GABRB1: variants seen among roughly 807,000 people sequenced by gnomAD.
GABRB1 encodes the protein gamma-aminobutyric acid type A receptor subunit beta1.
A neutral mutation model predicts 51.6 loss-of-function variants in GABRB1; 17 were observed. That is an observed-to-expected ratio of 0.33 (90% CI 0.23 to 0.49). The LOEUF (loss-of-function observed/expected upper bound fraction) is 0.49. Among genes scored for constraint, GABRB1 ranks in the 20% least tolerant of loss-of-function variants. The pLI is 0.99. For missense variants in GABRB1, 410 were observed against 600.6 expected (o/e 0.68, Z 3.32); for synonymous variants, 247 against 218.9 (o/e 1.13, Z -1.14).
chr4:47,418,846 T>A (rs1729010912), intron 8 of GABRB1, among the ~76,000 whole-genome samples: 1 of 152,120 alleles, frequency 6.6e-6, no homozygotes, highest in African/African-American at 2.4e-5. Context: ...CCTCTAAACA[T>A]CCATGCAGCA....
At chr4:47,176,254 A>T (rs904598999) in intron 4 of GABRB1, among the ~76,000 whole-genome samples, 1 of 152,156 alleles carries the variant, frequency 6.6e-6, no homozygotes, top group Non-Finnish European at 1.5e-5. Context: ...TGAAAATTGC[A>T]TTTCATCTAG....
At chr4:47,261,656 T>C (rs1211289834) in intron 4 of GABRB1, among the ~76,000 whole-genome samples, 2 of 151,986 alleles carry the variant, frequency 1.3e-5, no homozygotes, top group African/African-American at 2.4e-5. Flanking sequence ...CCCATCAAGC[T>C]ACCAATGACT....
At chr4:47,219,276 G>A (rs930813744) in intron 4 of GABRB1, among the ~76,000 whole-genome samples, 3 of 151,790 alleles carry the variant, frequency 2.0e-5, no homozygotes, top group South Asian at 4.1e-4. Context: ...TAAGGAATTG[G>A]CTGAGTTAAT....
intron 5 of GABRB1, among the ~76,000 whole-genome samples, chr4:47,382,142 A>G (rs1727620103): frequency 6.6e-6 from 1 of 152,206 alleles, no homozygotes; most frequent in African/African-American, 2.4e-5. Context: ...ACATCACCAA[A>G]ACAAATGGTT....
At chr4:47,171,061 C>T (rs963635299) in intron 4 of GABRB1, among the ~76,000 whole-genome samples, 1 of 151,986 alleles carries the variant, frequency 6.6e-6, no homozygotes, top group Non-Finnish European at 1.5e-5. Context: ...CCAAGTAAAA[C>T]ATTAAATGAG....
chr4:47,126,200 A>G (rs1274650619), intron 3 of GABRB1, among the ~76,000 whole-genome samples: 2 of 152,134 alleles, frequency 1.3e-5, no homozygotes, highest in Non-Finnish European at 2.9e-5. Context: ...AAAGACAAAT[A>G]CTGCATAATC....
chr4:47,267,727 G>A (rs1465094167), intron 4 of GABRB1, among the ~76,000 whole-genome samples: 3 of 152,076 alleles, frequency 2.0e-5, no homozygotes, highest in East Asian at 3.9e-4. Flanking sequence ...CCCGGGAGGC[G>A]GAGGTTGCAG....
At chr4:47,176,540 T>C (rs1240776564) in intron 4 of GABRB1, among the ~76,000 whole-genome samples, 1 of 152,116 alleles carries the variant, frequency 6.6e-6, no homozygotes, top group East Asian at 1.9e-4. Context: ...GAAATGCCTG[T>C]AGACGTGTAA....
chr4:47,032,605 G>GCA lies in GABRB1; in HGVS notation c.240+123_240+124dup, dbSNP rs775791415. 14 of 930,268 alleles carry GCA rather than the reference G, an allele frequency of 1.5e-5. No individual in the cohort carries two copies. In the Admixed American group the frequency reaches 2.0e-4, roughly 13 times the overall value. 57.6% of individuals were successfully genotyped at this position (930,268 alleles called of 1,614,324 possible). On this transcript the variant is annotated intron_variant, in intron 3 of 8. Transcript: ENST00000295454. ...CCCCTGGCCCCTGAGGTCCCACTCC[G>GCA]CACCCGCTCCCCGCTCCGGCACACA...
chr4:47,342,686 A>G (rs1725946790), intron 5 of GABRB1, among the ~76,000 whole-genome samples: 1 of 152,168 alleles, frequency 6.6e-6, no homozygotes, highest in Non-Finnish European at 1.5e-5. Flanking sequence ...AGGTATTCAG[A>G]AAGAGGGCCC....
chr4:47,036,860 TA>T (rs1427323096), intron 3 of GABRB1, among the ~76,000 whole-genome samples: 4 of 141,528 alleles, frequency 2.8e-5, no homozygotes, highest in Admixed American at 7.0e-5. Flanking sequence ...AAAACAGTCT[TA>T]AAAAAAAAGA....
intron 5 of GABRB1, among the ~76,000 whole-genome samples, chr4:47,351,010 T>C (rs1726308995): frequency 6.6e-6 from 1 of 152,268 alleles, no homozygotes; most frequent in Admixed American, 6.5e-5. Flanking sequence ...TTCCACATTT[T>C]AGAAAATGTA....
intron 4 of GABRB1, among the ~76,000 whole-genome samples, chr4:47,283,448 C>G (rs977814203): frequency 7.5e-6 from 1 of 132,538 alleles, no homozygotes; most frequent in Non-Finnish European, 1.6e-5. Context: ...TGCAGCCACA[C>G]GATCTCGGCT....
At chr4:47,413,495 T>A (rs1728824824) in intron 8 of GABRB1, among the ~76,000 whole-genome samples, 1 of 152,220 alleles carries the variant, frequency 6.6e-6, no homozygotes, top group Admixed American at 6.5e-5. Context: ...GTATTTTAAA[T>A]TGCTACCTGC....
intron 8 of GABRB1, among the ~76,000 whole-genome samples, chr4:47,412,627 G>A (rs1372570886): frequency 6.6e-6 from 1 of 152,248 alleles, no homozygotes; most frequent in South Asian, 2.1e-4. Context: ...AAGGTTCATT[G>A]TCTCAACGCC....
intron 8 of GABRB1, among the ~76,000 whole-genome samples, chr4:47,419,573 C>T (rs2110066063): frequency 6.6e-6 from 1 of 152,280 alleles, no homozygotes; most frequent in East Asian, 1.9e-4. Flanking sequence ...AGTGTTTGTA[C>T]AGGAGACTGT....
intron 4 of GABRB1, among the ~76,000 whole-genome samples, chr4:47,290,838 A>T (rs1052694224): frequency 6.6e-6 from 1 of 152,182 alleles, no homozygotes; most frequent in African/African-American, 2.4e-5. Flanking sequence ...AGCATTCAAA[A>T]GGTGACTTGG....
chr4:47,263,175 C>T (rs962946291), intron 4 of GABRB1, among the ~76,000 whole-genome samples: 3 of 147,310 alleles, frequency 2.0e-5, no homozygotes, highest in African/African-American at 5.1e-5. Context: ...CACATGTACC[C>T]TAAAACTTAA....
At chr4:47,134,991 T>C (rs1716578087) in intron 3 of GABRB1, among the ~76,000 whole-genome samples, 1 of 151,910 alleles carries the variant, frequency 6.6e-6, no homozygotes, top group Admixed American at 6.6e-5. Context: ...CCAGGTGTAG[T>C]GGCATGTGCC....
Sources: allele counts gnomAD v4.1 joint callset (sites outside exome capture counted in the v4.1 genomes callset), GRCh38; gene constraint gnomAD v4.1.1; transcripts MANE v1.5; gene names NCBI Gene and HGNC (gene_info 2026-07-23, HGNC 2026-07-21).